NKAIN3: variants seen among roughly 807,000 people sequenced by gnomAD.
The protein encoded by NKAIN3 is sodium/potassium transporting ATPase interacting 3.
In NKAIN3, 25 loss-of-function variants were observed where a neutral mutation model predicts 30.2. The ratio of observed to expected loss-of-function variants is 0.83; its 90% confidence interval spans 0.60 to 1.16. The LOEUF is 1.16. NKAIN3 is among the 50% of genes most tolerant of loss of function. The pLI, the probability that NKAIN3 is intolerant of heterozygous loss-of-function variation, is 0.00. For missense variants in NKAIN3, 225 were observed against 254.1 expected (o/e 0.89, Z 0.78); for synonymous variants, 91 against 89.6 (o/e 1.02, Z -0.09).
chr8:62,281,920 A>G (rs559213394), intron 1 of NKAIN3, among the ~76,000 whole-genome samples: 3 of 152,196 alleles, frequency 2.0e-5, no homozygotes, highest in Admixed American at 6.5e-5. Context: ...TTTTTTTTTA[A>G]AAAAGCATGC....
chr8:62,853,202 T>C (rs1188414121), intron 4 of NKAIN3, among the ~76,000 whole-genome samples: 2 of 152,230 alleles, frequency 1.3e-5, no homozygotes, highest in Non-Finnish European at 2.9e-5. Flanking sequence ...CCTTTAGCAT[T>C]ATGTAATGGC....
intron 1 of NKAIN3, among the ~76,000 whole-genome samples, chr8:62,486,967 T>C (rs544674229): frequency 6.6e-6 from 1 of 152,274 alleles, no homozygotes; most frequent in East Asian, 1.9e-4. Context: ...AAAACACTCA[T>C]CTCATGCAGA....
intron 1 of NKAIN3, among the ~76,000 whole-genome samples, chr8:62,499,482 A>G (rs961822307): frequency 2.0e-5 from 3 of 152,158 alleles, no homozygotes; most frequent in African/African-American, 7.2e-5. Context: ...TGGTATCTCA[A>G]ATTTATTAGA....
At chr8:62,275,257 G>T (rs571527080) in intron 1 of NKAIN3, among the ~76,000 whole-genome samples, 1 of 152,214 alleles carries the variant, frequency 6.6e-6, no homozygotes, top group South Asian at 2.1e-4. Context: ...TCCAGCACCT[G>T]TTGTTTCCTG....
chr8:62,744,819 A>G (rs1159367283), intron 3 of NKAIN3, among the ~76,000 whole-genome samples: 1 of 152,248 alleles, frequency 6.6e-6, no homozygotes, highest in Non-Finnish European at 1.5e-5. Flanking sequence ...AACCAAAAAA[A>G]TGACCTAAAC....
At chr8:62,743,432 A>G (rs963437832) in intron 3 of NKAIN3, among the ~76,000 whole-genome samples, 1 of 152,248 alleles carries the variant, frequency 6.6e-6, no homozygotes, top group African/African-American at 2.4e-5. Context: ...CTCCTAAAAC[A>G]AAAGAGAGGT....
chr8:62,929,768 G>A (rs1340405958), intron 5 of NKAIN3, among the ~76,000 whole-genome samples: 8 of 152,022 alleles, frequency 5.3e-5, no homozygotes, highest in African/African-American at 1.9e-4. Context: ...CAGCCCATGG[G>A]CCACATGCAG....
rs563098435 is a variant in NKAIN3, at chr8:62,857,914, G to C, written c.472-60539G>C. On this transcript the variant is annotated intron_variant, in intron 4 of 6. Transcript: ENST00000623646. ...CACTGTAGTCATTTAGAAGAAAGGG[G>C]GCACTCTGGTTTTTTGAGTTTTTGA... is the stretch of plus-strand genomic sequence containing the variant. Among the ~76,000 whole-genome samples the C allele has an allele frequency of 2.6e-5, 4 of 152,262 alleles. No homozygotes were observed. In the East Asian group the frequency reaches 7.7e-4, roughly 29 times the overall value.
At chr8:62,837,121 C>G (rs1314762239) in intron 4 of NKAIN3, among the ~76,000 whole-genome samples, 1 of 152,048 alleles carries the variant, frequency 6.6e-6, no homozygotes, top group Non-Finnish European at 1.5e-5. Context: ...AGTGTTAGAA[C>G]CTTGTAAATG....
chr8:62,342,589 GC>G (rs1320724032), intron 1 of NKAIN3, among the ~76,000 whole-genome samples: 4 of 152,058 alleles, frequency 2.6e-5, no homozygotes, highest in African/African-American at 9.7e-5. Context: ...CAGTGTGGAA[GC>G]CTGAGACTCC....
At chr8:62,892,262 G>A (rs559957286) in intron 4 of NKAIN3, among the ~76,000 whole-genome samples, 6 of 152,288 alleles carry the variant, frequency 3.9e-5, no homozygotes, top group Non-Finnish European at 8.8e-5. Context: ...TTGTCCTTTA[G>A]ACAATATTAT....
chr8:62,670,808 G>A (rs1287614565), intron 3 of NKAIN3, among the ~76,000 whole-genome samples: 1 of 151,518 alleles, frequency 6.6e-6, no homozygotes, highest in Admixed American at 6.6e-5. Flanking sequence ...AAATCCCTGT[G>A]GTATGGGGGT....
chr8:62,660,033 G>A (rs1372659413), intron 3 of NKAIN3, among the ~76,000 whole-genome samples: 1 of 152,148 alleles, frequency 6.6e-6, no homozygotes, highest in Non-Finnish European at 1.5e-5. Context: ...ATCTTTATCA[G>A]TAGTGTGAAA....
At chr8:62,952,697 A>G (rs1056269415) in intron 5 of NKAIN3, among the ~76,000 whole-genome samples, 2 of 152,236 alleles carry the variant, frequency 1.3e-5, no homozygotes, top group Admixed American at 1.3e-4. Flanking sequence ...CTCCAAAAAA[A>G]CTTTCAAAAC....
At chr8:62,465,044 A>G (rs1436955977) in intron 1 of NKAIN3, among the ~76,000 whole-genome samples, 2 of 152,162 alleles carry the variant, frequency 1.3e-5, no homozygotes, top group African/African-American at 4.8e-5. Context: ...CAGATTAAAT[A>G]TCGCATTTCC....
intron 4 of NKAIN3, among the ~76,000 whole-genome samples, chr8:62,767,707 C>A (rs1293223851): frequency 6.6e-6 from 1 of 151,970 alleles, no homozygotes; most frequent in African/African-American, 2.4e-5. Context: ...CTAGACCGAT[C>A]TTCTCACAAC....
At chr8:62,990,408 T>TA in intron 5 of NKAIN3, 4 of 1,160,316 alleles carry the variant, frequency 3.4e-6, no homozygotes, top group East Asian at 6.8e-5. Flanking sequence ...GGTTTTTTTT[T>TA]AACCAGCAGT....
chr8:62,352,553 T>C (rs1816215548), intron 1 of NKAIN3, among the ~76,000 whole-genome samples: 1 of 152,200 alleles, frequency 6.6e-6, no homozygotes, highest in Non-Finnish European at 1.5e-5. Flanking sequence ...TGGAGGATTC[T>C]TTGAGGGAAA....
chr8:62,922,710 G>A (rs555774065), intron 5 of NKAIN3, among the ~76,000 whole-genome samples: 1 of 151,988 alleles, frequency 6.6e-6, no homozygotes, highest in South Asian at 2.1e-4. Context: ...TGCCTAATAA[G>A]CCATTAAGAA....
Sources: allele counts gnomAD v4.1 joint callset (sites outside exome capture counted in the v4.1 genomes callset), GRCh38; gene constraint gnomAD v4.1.1; transcripts MANE v1.5; gene names NCBI Gene and HGNC (gene_info 2026-07-23, HGNC 2026-07-21).